ELF4: variants seen among roughly 807,000 people sequenced by gnomAD.
ELF4 encodes E74 like ETS transcription factor 4.
Under a neutral mutation model 31.7 loss-of-function variants are expected in ELF4, and 10 were observed. The ratio of observed to expected loss-of-function variants is 0.32; its 90% CI spans 0.19 to 0.54. The LOEUF (loss-of-function observed/expected upper bound fraction) is 0.54. Ranked by LOEUF, ELF4 falls within the 20% of genes least tolerant of loss-of-function variation. The pLI, the probability that ELF4 is intolerant of heterozygous loss-of-function variation, is 0.95. For missense variants in ELF4, 418 were observed against 522.0 expected, an observed-to-expected ratio of 0.80 and a Z score of 1.94; for synonymous variants, 208 against 226.7, an observed-to-expected ratio of 0.92 and a Z score of 0.74.
intron 4 of ELF4, among the ~76,000 whole-genome samples, chrX:130,073,767 C>A (rs939194700): frequency 8.9e-6 from 1 of 112,651 alleles, no homozygotes; most frequent in African/African-American, 3.2e-5. Flanking sequence ...CCGCCTCAGC[C>A]TCCCAAAGTG....
At chrX:130,086,023 C>G (rs1932954719) in intron 1 of ELF4, among the ~76,000 whole-genome samples, 1 of 111,912 alleles carries the variant, frequency 8.9e-6, no homozygotes, top group African/African-American at 3.3e-5. Flanking sequence ...GCAGAATTCA[C>G]CCATCCACAG....
intron 4 of ELF4, 132 bp downstream of exon 4, chrX:130,073,917 A>G (rs903325781): frequency 3.2e-6 from 2 of 632,193 alleles, no homozygotes; most frequent in Non-Finnish European, 5.2e-6. Flanking sequence ...GATAAAAGTC[A>G]TATGTATATC....
intron 4 of ELF4, 74 bp from the exon 5 acceptor site, chrX:130,072,491 G>A (rs772891862): frequency 9.2e-6 from 10 of 1,083,928 alleles, no homozygotes; most frequent in South Asian, 3.8e-5. Context: ...CTGGAGAGAC[G>A]GGTAGGTTCC....
chrX:130,111,119 C>A (rs1244271284), upstream of ELF4, among the ~76,000 whole-genome samples: 25 of 107,838 alleles, frequency 2.3e-4, no homozygotes, highest in African/African-American at 8.1e-4. Flanking sequence ...GCCAGGGGCC[C>A]GCGCGGCCTC....
In ELF4 at chrX:130,074,030, C is replaced by T. The variant is rs766429085; in HGVS notation, c.340+19G>A. 1.5e-5 allele frequency: 18 copies of T among 1,199,671 alleles called. No individual in the cohort carries two copies. The South Asian group carries it at 2.7e-4, about 18-fold the overall frequency. ...ATTATTTTGTTGCCTTGAGTTCAGG[C>T]ACTGGGGTTCAAACTTACAGATCTG... On this transcript the variant is annotated intron_variant, in intron 4 of 8. Transcript: ENST00000308167.
chrX:130,103,236 G>T (rs1191657769), intron 1 of ELF4, among the ~76,000 whole-genome samples: 1 of 112,060 alleles, frequency 8.9e-6, no homozygotes, highest in East Asian at 2.8e-4. Context: ...CACTGAGAAG[G>T]GGATTAAAAG....
chrX:130,091,567 C>T (rs1011162479), intron 1 of ELF4, among the ~76,000 whole-genome samples: 19 of 112,499 alleles, frequency 1.7e-4, no homozygotes, highest in African/African-American at 6.1e-4. Context: ...GGATTACAGG[C>T]GTGAGCCACC....
chrX:130,070,787 A>AAAAAGAAAG (rs1556186609), intron 7 of ELF4, among the ~76,000 whole-genome samples: 8 of 92,722 alleles, frequency 8.6e-5, no homozygotes, highest in Admixed American at 2.6e-4. Context: ...AAAAAAAAAA[A>AAAAAGAAAG]AAAGAAAGAA....
intron 1 of ELF4, among the ~76,000 whole-genome samples, chrX:130,105,509 C>T (rs1277898074): frequency 9.0e-6 from 1 of 111,122 alleles, no homozygotes; most frequent in Non-Finnish European, 1.9e-5. Flanking sequence ...GGGGGATGTC[C>T]GGGAGTTTTT....
intron 1 of ELF4, among the ~76,000 whole-genome samples, chrX:130,091,640 C>G: frequency 9.0e-6 from 1 of 110,834 alleles, no homozygotes; most frequent in East Asian, 2.8e-4. Context: ...GATGGAGGTG[C>G]CTGCAGGGAG....
intron 1 of ELF4, among the ~76,000 whole-genome samples, chrX:130,106,427 G>A (rs189276513): frequency 0.01 from 1,148 of 111,702 alleles, 10 homozygotes; most frequent in Middle Eastern, 0.037. Context: ...CTGTTGAATT[G>A]AAACTCAGCA....
In ELF4 at chrX:130,064,008, ATT is replaced by A. The variant is rs1932610467; in HGVS notation, c.*2711_*2712del. Among the ~76,000 whole-genome samples the A allele has an allele frequency of 9.8e-6, 1 of 101,860 alleles. No homozygotes were observed. The highest frequency in any genetic ancestry group is 3.8e-5 in the African/African-American group (1 of 26,322). The allele number at this position is 101,860 out of a possible 115,157, so 88.5% of individuals were successfully genotyped here. A position where few individuals can be genotyped will look rare whatever the true frequency, so the allele number is the denominator to read the frequency against. On this transcript the variant is annotated 3_prime_UTR_variant, in exon 9 of 9. Coordinates refer to ENST00000308167, the MANE Select transcript of ELF4 (RefSeq NM_001421.4). ...TATTATTATTATTATTATTATTATT[ATT>A]ATACTTTAAGTTCTGGGATACATGT...
At chrX:130,099,725 A>C (rs1248417438) in intron 1 of ELF4, among the ~76,000 whole-genome samples, 1 of 109,152 alleles carries the variant, frequency 9.2e-6, no homozygotes, top group African/African-American at 3.3e-5. Flanking sequence ...GGCAACCTCC[A>C]CCTCCCAGGT....
In ELF4 at chrX:130,064,638, G is replaced by A. The variant is rs769824263; in HGVS notation, c.*2083C>T. On this transcript the variant is annotated 3_prime_UTR_variant, in exon 9 of 9. Coordinates refer to ENST00000308167, the MANE Select transcript of ELF4 (RefSeq NM_001421.4). ...ATGGATGAGATTCTTGAACAGCCAC[G>A]TTGGAAGTGGTAGGTGAAGAACCAG... is the stretch of plus-strand genomic sequence containing the variant. 1.3e-4 allele frequency among the ~76,000 whole-genome samples: 14 copies of A among 111,779 alleles called. No individual in the cohort carries two copies. Among genetic ancestry groups the A allele is most frequent in the Non-Finnish European group, 1.7e-4 (9 of 53,114 alleles).
At chrX:130,094,637 CT>C (rs912595516) in intron 1 of ELF4, among the ~76,000 whole-genome samples, 6 of 110,603 alleles carry the variant, frequency 5.4e-5, no homozygotes, top group Admixed American at 9.6e-5. Flanking sequence ...TATGTCCCCC[CT>C]AGGACAAAGA....
intron 8 of ELF4, among the ~76,000 whole-genome samples, chrX:130,067,745 G>A (rs745809331): frequency 2.7e-5 from 3 of 111,901 alleles, no homozygotes; most frequent in African/African-American, 6.5e-5. Context: ...GGGCTCAAGC[G>A]ATCCTCCTGA....
intron 1 of ELF4, among the ~76,000 whole-genome samples, chrX:130,102,090 G>C (rs1933271829): frequency 8.9e-6 from 1 of 112,529 alleles, no homozygotes; most frequent in Non-Finnish European, 1.9e-5. Flanking sequence ...AGGTTGCAGT[G>C]AACTGAGATC....
chrX:130,081,656 A>T, intron 1 of ELF4, 117 bp from the exon 2 acceptor site: 1 of 317,123 alleles, frequency 3.2e-6, no homozygotes. Flanking sequence ...CCAATAGAGG[A>T]GTGGCCGAAA....
At chrX:130,108,169 T>C (rs1418311938) in intron 1 of ELF4, among the ~76,000 whole-genome samples, 3 of 109,155 alleles carry the variant, frequency 2.7e-5, no homozygotes, top group Non-Finnish European at 5.7e-5. Context: ...GATCGTGCCA[T>C]TGCACTCCAG....
Sources: allele counts gnomAD v4.1 joint callset (sites outside exome capture counted in the v4.1 genomes callset), GRCh38; gene constraint gnomAD v4.1.1; transcripts MANE v1.5; gene names NCBI Gene and HGNC (gene_info 2026-07-23, HGNC 2026-07-21).